Variants in ATP13A3 observed in about 807,000 individuals in gnomAD.
The protein encoded by ATP13A3 is polyamine-transporting ATPase 13A3.
A neutral mutation model predicts 158.1 loss-of-function variants in ATP13A3; 59 were observed. The ratio of observed to expected loss-of-function variants is 0.37; its 90% CI spans 0.30 to 0.46. The LOEUF is 0.46. ATP13A3 is among the 20% of genes least tolerant of loss of function. The pLI, the probability that ATP13A3 is intolerant of heterozygous loss-of-function variation, is 1.00. For synonymous variants in ATP13A3, 491 were observed against 504.3 expected, an observed-to-expected ratio of 0.97 and a Z score of 0.35; for missense variants, 1,166 against 1,525.2, an observed-to-expected ratio of 0.76 and a Z score of 3.92.
chr3:194,438,192 TATAAAC>T (rs1717799297), intron 17 of ATP13A3, among the ~76,000 whole-genome samples: 2 of 152,038 alleles, frequency 1.3e-5, no homozygotes, highest in South Asian at 4.2e-4. Flanking sequence ...AAAGAACAAA[TATAAAC>T]AGGAAGGAAA....
intron 29 of ATP13A3, 36 bp from the exon 30 acceptor site, chr3:194,425,565 C>T (rs1381311066): frequency 6.6e-7 from 1 of 1,520,168 alleles, no homozygotes; most frequent in Non-Finnish European, 8.9e-7. Context: ...CATTAGTAAA[C>T]ATAATACTCA....
upstream of ATP13A3, among the ~76,000 whole-genome samples, chr3:194,491,338 C>G (rs1443826005): frequency 1.3e-5 from 2 of 152,112 alleles, no homozygotes; most frequent in African/African-American, 4.8e-5. Flanking sequence ...CGCTGTCACC[C>G]AAACAACTGC....
At chr3:194,492,064 T>C (rs896470218) in intron 2 of ATP13A3, among the ~76,000 whole-genome samples, 1 of 152,146 alleles carries the variant, frequency 6.6e-6, no homozygotes, top group Admixed American at 6.6e-5. Context: ...CTTGGAATAC[T>C]AGATGAACTT....
At chr3:194,424,348 A>G (rs1465840413) in intron 30 of ATP13A3, 3 of 152,066 alleles carry the variant, frequency 2.0e-5, no homozygotes, top group Admixed American at 2.0e-4. Context: ...ATCAGTTCCA[A>G]AAAGGGGGCA....
Position 194,446,998 on chromosome 3 carries a change from T to C in ATP13A3, c.1426A>G (p.Ile476Val), listed in dbSNP as rs545448462. 3.1e-6 allele frequency: 5 copies of C among 1,613,706 alleles called. No individual in the cohort carries two copies. In the East Asian group the frequency reaches 8.9e-5, roughly 29 times the overall value. ...IVYAQRRLKK[I>V]GIFCISPQRI... The stretch of plus-strand genomic sequence containing the variant: ...TGAGGACTGATACAGAAAATACCGA[T>C]TTTTTTCAGTCTTCTCTGAGCATAC... Residue 476 changes from isoleucine to valine, a missense_variant, in exon 14 of 34, where the codon ATC (isoleucine) becomes GTC (valine). Physicochemically the swap from Ile to Val is conservative, Grantham distance 29. Transcript: ENST00000645319.
chr3:194,484,889 C>G (rs1170022737), intron 2 of ATP13A3, among the ~76,000 whole-genome samples: 2 of 151,956 alleles, frequency 1.3e-5, no homozygotes, highest in African/African-American at 4.8e-5. Flanking sequence ...AACCCTGTCT[C>G]TACTAAAAAT....
intron 2 of ATP13A3, among the ~76,000 whole-genome samples, chr3:194,465,192 T>C (rs559564669): frequency 2.0e-5 from 3 of 152,140 alleles, no homozygotes; most frequent in Admixed American, 6.5e-5. Flanking sequence ...AGTTTACTGA[T>C]GGAAAACACT....
intron 2 of ATP13A3, among the ~76,000 whole-genome samples, chr3:194,477,721 C>A (rs1475599110): frequency 6.6e-6 from 1 of 152,194 alleles, no homozygotes; most frequent in Non-Finnish European, 1.5e-5. Context: ...GACACTCTAT[C>A]GCACAGAAAG....
At position 194,448,660 on chromosome 3, in the gene ATP13A3, A is replaced by G. The variant is rs752720683; in HGVS notation, c.971-24T>C. ...TCCTTTAAAAAACAACAACAACAAC[A>G]AAAACAGTTTACAAATTATTAAACG... is the stretch of plus-strand genomic sequence containing the variant. On this transcript the variant is annotated intron_variant, in intron 11 of 33. Transcript: ENST00000645319. The surrounding 1 kb of genome is among the most constrained non-coding windows in gnomAD (Gnocchi z 4.0). 10 of 1,595,424 alleles carry G rather than the reference A, an allele frequency of 6.3e-6. No individual in the cohort carries two copies. The highest frequency in any genetic ancestry group is 8.5e-6 in the Non-Finnish European group (10 of 1,172,710).
intron 2 of ATP13A3, among the ~76,000 whole-genome samples, chr3:194,492,268 C>G (rs1470520220): frequency 6.6e-6 from 1 of 152,094 alleles, no homozygotes; most frequent in Non-Finnish European, 1.5e-5. Flanking sequence ...TCTATTCTTT[C>G]CCTTCCCTTT....
Position 194,441,403 on chromosome 3 carries a change from C to T in ATP13A3, c.1618G>A (p.Ala540Thr). 6.2e-7 allele frequency: 1 copy of T among 1,613,548 alleles called. No homozygotes were observed. Among genetic ancestry groups the T allele is most frequent in the South Asian group, 1.1e-5 (1 of 91,054 alleles). Residue 540 changes from alanine (A) to threonine (T), a missense_variant, in exon 16 of 34, where the codon GCT (alanine) becomes ACT (threonine). Around this residue, in one of 3 missense-constraint regions of ATP13A3, gnomAD observed 997 missense variants for 1,341.2 expected, o/e 0.74. Coordinates refer to ENST00000645319, the MANE Select transcript of ATP13A3 (RefSeq NM_001367549.1). ...AGTGAATGACAAGTAGCCATACAAG[C>T]AACAAACTGGGATTTTACCAACATC... ...NEMLVKSQFV[A>T]CMATCHSLTK...
chr3:194,405,829 A>T lies in ATP13A3; in HGVS notation c.*90T>A. The T allele has an allele frequency of 1.5e-6, 2 of 1,353,114 alleles. No homozygotes were observed. Among genetic ancestry groups the T allele is most frequent in the Non-Finnish European group, 2.1e-6 (2 of 952,272 alleles). The allele number at this position is 1,353,114 out of a possible 1,614,324, so 83.8% of individuals were successfully genotyped here. ...TATCAGAAGGGACATAAACTGAACT[A>T]GTGCCATTCTGACACACAGGATCAG... On this transcript the variant is annotated 3_prime_UTR_variant, in exon 34 of 34. Coordinates refer to ENST00000645319, the MANE Select transcript of ATP13A3 (RefSeq NM_001367549.1).
intron 16 of ATP13A3, among the ~76,000 whole-genome samples, chr3:194,439,677 T>C (rs1387393958): frequency 1.3e-5 from 2 of 152,220 alleles, no homozygotes; most frequent in African/African-American, 4.8e-5. Context: ...TCATATGACA[T>C]CTGCATCTTG....
Position 194,447,988 on chromosome 3 carries a change from T to C in ATP13A3, c.1172A>G (p.Gln391Arg). The C allele has an allele frequency of 6.2e-7, 1 of 1,608,590 alleles. No individual in the cohort carries two copies. The highest frequency in any genetic ancestry group is 8.5e-7 in the Non-Finnish European group (1 of 1,175,208). Reference sequence around the variant, plus strand: ...GGGATACAATATGGAACGAACAAGCTGTCCTTTGGAAGTACTAAATCCTTT... The same window carrying C: ...GGGATACAATATGGAACGAACAAGCCGTCCTTTGGAAGTACTAAATCCTTT... ...VRTGFSTSKGQLVRSILYPKP... is the reference protein window; with the variant it reads ...VRTGFSTSKGRLVRSILYPKP... Residue 391 changes from glutamine to arginine, a missense_variant, in exon 13 of 34, where the codon CAG becomes CGG. Gln to Arg is a conservative substitution (Grantham distance 43). Around this residue, in one of 3 missense-constraint regions of ATP13A3, gnomAD observed 997 missense variants for 1,341.2 expected, o/e 0.74. Coordinates refer to ENST00000645319, the MANE Select transcript of ATP13A3 (RefSeq NM_001367549.1).
intron 10 of ATP13A3, chr3:194,452,151 A>C (rs536080146): frequency 2.0e-5 from 3 of 152,232 alleles, no homozygotes; most frequent in Admixed American, 1.3e-4. Flanking sequence ...GGCCAGGAGT[A>C]CCAAACCAGC....
At chr3:194,490,026 A>C (rs556586650), upstream of ATP13A3, among the ~76,000 whole-genome samples, 8 of 152,310 alleles carry the variant, frequency 5.3e-5, no homozygotes, top group African/African-American at 1.9e-4. The surrounding 1 kb of genome is among the most constrained non-coding windows in gnomAD (Gnocchi z 4.4). Context: ...CCCTGATTGC[A>C]GCTGCATGGA....
At chr3:194,435,435 A>G (rs1717556671) in intron 20 of ATP13A3, among the ~76,000 whole-genome samples, 2 of 152,164 alleles carry the variant, frequency 1.3e-5, no homozygotes, top group South Asian at 4.1e-4. Flanking sequence ...TTAAGCTATA[A>G]GGGAAATGCT....
intron 14 of ATP13A3, among the ~76,000 whole-genome samples, chr3:194,446,440 A>T (rs1252425471): frequency 6.6e-6 from 1 of 152,220 alleles, no homozygotes; most frequent in Non-Finnish European, 1.5e-5. Flanking sequence ...CATCCTGTCT[A>T]GGGCTGGTTC....
rs1393527958 is a variant in ATP13A3, at chr3:194,459,816, A to G, written c.381T>C (p.Ser127=). ...NPTEENRHRI[S]KYSQTESQQI... ...GTTGTGATTCAGTCTGTGAATATTT[A>G]CTGATCCTGTGCCTATTTTCTTCAG... The change falls in exon 5 of 34, where the codon AGT becomes AGC. Residue 127 remains serine (S), a synonymous_variant. Transcript: ENST00000645319. The G allele has an allele frequency of 9.9e-6, 16 of 1,612,476 alleles. No homozygotes were observed. Among genetic ancestry groups the G allele is most frequent in the East Asian group, 2.2e-5 (1 of 44,774 alleles).
Sources: allele counts gnomAD v4.1 joint callset (sites outside exome capture counted in the v4.1 genomes callset), GRCh38; gene constraint gnomAD v4.1.1; regional missense constraint gnomAD v4.1.1; non-coding constraint Gnocchi (gnomAD v3.1); transcripts MANE v1.5; gene names NCBI Gene and HGNC (gene_info 2026-07-23, HGNC 2026-07-21).